The following LYRM4 variants were observed in gnomAD, a reference collection of about 807,000 sequenced individuals.
The protein encoded by LYRM4 is LYR motif-containing protein 4.
In LYRM4, 9 loss-of-function variants were observed where a neutral mutation model predicts 11.7. The observed-to-expected ratio is 0.77, with a 90% confidence interval of 0.46 to 1.34. The LOEUF (loss-of-function observed/expected upper bound fraction) is 1.34. Among genes scored for constraint, LYRM4 ranks in the 40% most tolerant of loss-of-function variants. LYRM4 has a pLI of 0.00. For missense variants in LYRM4, 133 were observed against 112.5 expected, an observed-to-expected ratio of 1.18 and a Z score of -0.82; for synonymous variants, 42 against 40.4, an observed-to-expected ratio of 1.04 and a Z score of -0.15.
intron 2 of LYRM4, among the ~76,000 whole-genome samples, chr6:5,116,217 C>T (rs183885003): frequency 1.3e-5 from 2 of 152,174 alleles, no homozygotes; most frequent in South Asian, 2.1e-4. Flanking sequence ...ATAAAAACAG[C>T]GGTAGGACCA....
intron 2 of LYRM4, among the ~76,000 whole-genome samples, chr6:5,210,225 T>C (rs948411732): frequency 6.6e-6 from 1 of 152,194 alleles, no homozygotes; most frequent in African/African-American, 2.4e-5. Context: ...CAGTCTAACA[T>C]GTATCAGTAG....
In LYRM4 at chr6:5,108,470, G is replaced by A. The variant is rs1429733673; in HGVS notation, c.*953C>T. 4.1e-6 allele frequency: 4 copies of A among 977,616 alleles called. No homozygotes were observed. In the African/African-American group the frequency reaches 7.0e-5, roughly 17 times the overall value. 60.6% of individuals were successfully genotyped at this position (977,616 alleles called of 1,614,324 possible). A position where few individuals can be genotyped will look rare whatever the true frequency, so the allele number is the denominator to read the frequency against. ...TACCTGTAATATACTTAAAGAGCAG[G>A]GGTCCCCAGTTGGTTAAACATTGAA... On this transcript the variant is annotated 3_prime_UTR_variant, in exon 3 of 3. Coordinates refer to ENST00000330636, the MANE Select transcript of LYRM4 (RefSeq NM_020408.6).
intron 2 of LYRM4, among the ~76,000 whole-genome samples, chr6:5,137,405 A>G (rs1757159350): frequency 6.6e-6 from 1 of 152,192 alleles, no homozygotes; most frequent in Admixed American, 6.5e-5. Flanking sequence ...GCCCCAACAT[A>G]GAATGGTTGC....
the LYRM4 span, among the ~76,000 whole-genome samples, chr6:5,034,979 C>T: frequency 1.3e-5 from 2 of 151,704 alleles, no homozygotes; most frequent in Admixed American, 6.6e-5. Context: ...CCGCTGAGTG[C>T]TATACAAGAA....
chr6:5,189,612 T>C (rs1760637919), intron 2 of LYRM4, among the ~76,000 whole-genome samples: 1 of 152,222 alleles, frequency 6.6e-6, no homozygotes, highest in South Asian at 2.1e-4. Flanking sequence ...TTATTCCACA[T>C]GGTGCCTAAG....
At chr6:5,192,229 T>C (rs1760795974) in intron 2 of LYRM4, among the ~76,000 whole-genome samples, 2 of 152,154 alleles carry the variant, frequency 1.3e-5, no homozygotes, top group Admixed American at 1.3e-4. Flanking sequence ...GAATGACATT[T>C]AAAGTGCTGC....
chr6:5,160,949 T>C (rs958002397), intron 2 of LYRM4, among the ~76,000 whole-genome samples: 1 of 152,192 alleles, frequency 6.6e-6, no homozygotes, highest in African/African-American at 2.4e-5. Flanking sequence ...GTTAATAATA[T>C]AGAAAGTCAG....
chr6:5,216,307 A>G (rs1308207293), intron 2 of LYRM4, among the ~76,000 whole-genome samples: 1 of 152,246 alleles, frequency 6.6e-6, no homozygotes, highest in African/African-American at 2.4e-5. Flanking sequence ...ATATCCAAGT[A>G]CACATGTGCG....
At chr6:5,094,074 A>C in the LYRM4 span, among the ~76,000 whole-genome samples, 4 of 152,368 alleles carry the variant, frequency 2.6e-5, no homozygotes, top group East Asian at 7.7e-4. Context: ...GCTACACAGC[A>C]GTGGCAAGAA....
rs567131174 is a variant in LYRM4, at chr6:5,188,395, T to A, written c.207+28223A>T. On this transcript the variant is annotated intron_variant, in intron 2 of 2. Coordinates refer to ENST00000330636, the MANE Select transcript of LYRM4 (RefSeq NM_020408.6). Reference sequence around the variant, plus strand: ...AGAAAAAAAAAAGAGAGAGAATGCATTATTTTGATTAAAAAATGGTAAGTA... The same window carrying A: ...AGAAAAAAAAAAGAGAGAGAATGCAATATTTTGATTAAAAAATGGTAAGTA... Among the ~76,000 whole-genome samples, 7 of 152,260 alleles carry A rather than the reference T, an allele frequency of 4.6e-5. No individual in the cohort carries two copies. In the South Asian group the frequency reaches 1.0e-3, roughly 23 times the overall value.
At chr6:5,125,826 A>G (rs530935102) in intron 2 of LYRM4, among the ~76,000 whole-genome samples, 62 of 152,352 alleles carry the variant, frequency 4.1e-4, no homozygotes, top group African/African-American at 1.4e-3. Context: ...GAATCCCACA[A>G]ACTCAGCCTG....
chr6:5,199,520 A>G (rs1472541365), intron 2 of LYRM4, among the ~76,000 whole-genome samples: 2 of 152,218 alleles, frequency 1.3e-5, no homozygotes, highest in East Asian at 3.8e-4. Context: ...ATTTTGTGGT[A>G]TGTGAATCAC....
chr6:5,076,911 G>A, the LYRM4 span, among the ~76,000 whole-genome samples: 1 of 152,150 alleles, frequency 6.6e-6, no homozygotes, highest in African/African-American at 2.4e-5. Flanking sequence ...CAGTAGCAGG[G>A]TGGCTGCAAC....
chr6:5,058,139 T>C, the LYRM4 span, among the ~76,000 whole-genome samples: 4 of 152,152 alleles, frequency 2.6e-5, no homozygotes, highest in Non-Finnish European at 5.9e-5. Flanking sequence ...CGAGACCCAG[T>C]GTCTCCTTCT....
the LYRM4 span, among the ~76,000 whole-genome samples, chr6:5,072,595 T>A: frequency 6.6e-6 from 1 of 151,436 alleles, no homozygotes; most frequent in Non-Finnish European, 1.5e-5. Context: ...TTTTTTTTTT[T>A]AAGACAGAGT....
Position 5,138,370 on chromosome 6 carries a change from A to G in LYRM4, c.208-28879T>C, listed in dbSNP as rs1323657742. 2.6e-5 allele frequency among the ~76,000 whole-genome samples: 4 copies of G among 151,540 alleles called. No homozygotes were observed. In the East Asian group the frequency reaches 7.8e-4, roughly 30 times the overall value. ...ATGGTGGCACACGCCTGTAGTCCCAACTACTCGGGAGGCTGAGGTGGGAGG... is the reference window on the plus strand; with the variant it reads ...ATGGTGGCACACGCCTGTAGTCCCAGCTACTCGGGAGGCTGAGGTGGGAGG... On this transcript the variant is annotated intron_variant, in intron 2 of 2. Coordinates refer to ENST00000330636, the MANE Select transcript of LYRM4 (RefSeq NM_020408.6).
At chr6:5,076,175 G>A in the LYRM4 span, among the ~76,000 whole-genome samples, 60 of 152,018 alleles carry the variant, frequency 3.9e-4, no homozygotes, top group African/African-American at 1.4e-3. Context: ...CAAACTCCTG[G>A]GCTCAAGTGA....
At chr6:5,150,906 C>T (rs1428290026) in intron 2 of LYRM4, among the ~76,000 whole-genome samples, 1 of 152,108 alleles carries the variant, frequency 6.6e-6, no homozygotes, top group Admixed American at 6.6e-5. Context: ...GTATAGCATT[C>T]TCTTCCATGT....
At chr6:5,131,884 C>T (rs376984696) in intron 2 of LYRM4, among the ~76,000 whole-genome samples, 81 of 152,312 alleles carry the variant, frequency 5.3e-4, no homozygotes, top group Admixed American at 9.1e-4. Flanking sequence ...CAGCAGGATA[C>T]AACTCACGAT....
Sources: gnomAD v4.1 joint callset for allele counts (sites outside exome capture counted in the v4.1 genomes callset) on GRCh38, gnomAD v4.1.1 for gene constraint, MANE v1.5 for transcripts, NCBI Gene and HGNC (gene_info 2026-07-23, HGNC 2026-07-21) for gene names.